RIMBP2: variants seen among roughly 807,000 people sequenced by gnomAD.
RIMBP2 encodes RIMS-binding protein 2.
A neutral mutation model predicts 118.6 loss-of-function variants in RIMBP2; 48 were observed. That is an observed-to-expected ratio of 0.40 (90% confidence interval 0.32 to 0.51). The LOEUF is 0.51. Ranked by LOEUF, RIMBP2 falls within the 20% of genes least tolerant of loss-of-function variation. The pLI is 0.41. For missense variants in RIMBP2, 1,551 were observed against 1,768.3 expected, an observed-to-expected ratio of 0.88 and a Z score of 2.20; for synonymous variants, 762 against 742.9, an observed-to-expected ratio of 1.03 and a Z score of -0.42.
intron 1 of RIMBP2, among the ~76,000 whole-genome samples, chr12:130,642,481 C>T (rs571839102): frequency 4.6e-4 from 70 of 152,218 alleles, no homozygotes; most frequent in African/African-American, 1.4e-3. Context: ...GACGGGGTGT[C>T]GCCATGTTGG....
At position 130,537,405 on chromosome 12, in the gene RIMBP2, C is replaced by T. The variant is rs1363031414; in HGVS notation, c.-216-19488G>A. ...GGAGGAGGTCTGGGAAAGAAGATAG[C>T]TCCATCACCCTACGGTACAAGGCAA... is the stretch of plus-strand genomic sequence containing the variant. On this transcript the variant is annotated intron_variant, in intron 2 of 22. Coordinates refer to ENST00000690449, the MANE Select transcript of RIMBP2 (RefSeq NM_001393629.1). Among the ~76,000 whole-genome samples, 3 of 152,206 alleles carry T rather than the reference C, an allele frequency of 2.0e-5. No homozygotes were observed. In the East Asian group the frequency reaches 5.8e-4, roughly 29 times the overall value.
At chr12:130,659,181 A>G (rs1041413794) in intron 1 of RIMBP2, among the ~76,000 whole-genome samples, 1 of 152,240 alleles carries the variant, frequency 6.6e-6, no homozygotes, top group Non-Finnish European at 1.5e-5. Flanking sequence ...GGTCACCTTA[A>G]AAAAAGTGGA....
chr12:130,557,906 C>T lies in RIMBP2; in HGVS notation c.-216-39989G>A, dbSNP rs548378734. On this transcript the variant is annotated intron_variant, in intron 2 of 22. Coordinates refer to ENST00000690449, the MANE Select transcript of RIMBP2 (RefSeq NM_001393629.1). ...GCCCCTTCCCAGTGAGCAGCTGTGG[C>T]TTCGGCAAGTTACTTACTCCTGGCT... Among the ~76,000 whole-genome samples, 3 of 152,272 alleles carry T rather than the reference C, an allele frequency of 2.0e-5. No individual in the cohort carries two copies. The South Asian group carries it at 6.2e-4, about 32-fold the overall frequency.
At chr12:130,575,276 C>G (rs915811673) in intron 2 of RIMBP2, among the ~76,000 whole-genome samples, 2 of 141,514 alleles carry the variant, frequency 1.4e-5, no homozygotes, top group Non-Finnish European at 3.0e-5. Context: ...TTGCTGGGGT[C>G]CCTGAGGAAC....
chr12:130,401,149 T>C (rs2074512885), intron 21 of RIMBP2, among the ~76,000 whole-genome samples: 2 of 152,078 alleles, frequency 1.3e-5, no homozygotes, highest in African/African-American at 4.8e-5. Flanking sequence ...AGAGTCTCGC[T>C]CTGTCACCCA....
intron 2 of RIMBP2, among the ~76,000 whole-genome samples, chr12:130,600,705 AC>A (rs1333751905): frequency 6.6e-6 from 1 of 152,206 alleles, no homozygotes; most frequent in Admixed American, 6.5e-5. Flanking sequence ...CTACACAAAA[AC>A]ATTCCAAGCT....
intron 1 of RIMBP2, among the ~76,000 whole-genome samples, chr12:130,701,287 C>T (rs1479959513): frequency 1.3e-5 from 2 of 152,154 alleles, no homozygotes; most frequent in South Asian, 2.1e-4. Flanking sequence ...GACAGCTTTG[C>T]CAAGCTGCCT....
rs1367790652 is a variant in RIMBP2 at position 130,617,019 on chromosome 12, G to A, written c.-217+11303C>T. Among the ~76,000 whole-genome samples the A allele has an allele frequency of 6.6e-6, 1 of 152,150 alleles. No individual in the cohort carries two copies. Among genetic ancestry groups the A allele is most frequent in the Admixed American group, 6.5e-5 (1 of 15,280 alleles). On this transcript the variant is annotated intron_variant, in intron 2 of 22. Transcript: ENST00000690449. The surrounding 1 kb of genome is among the most constrained non-coding windows in gnomAD (Gnocchi z 4.6). The stretch of plus-strand genomic sequence containing the variant: ...AGGGGCCCCCCTCCTCCTCTGCAGA[G>A]GCCCCCATGTCCCACTGATGAGAGG...
chr12:130,429,082 G>A (rs1401020255), intron 14 of RIMBP2: 3 of 152,512 alleles, frequency 2.0e-5, no homozygotes, highest in Non-Finnish European at 4.4e-5. Flanking sequence ...GGGCCACAGA[G>A]CGAGACTCCA....
At chr12:130,433,969 C>T (rs73152905) in intron 14 of RIMBP2, among the ~76,000 whole-genome samples, 119 of 152,288 alleles carry the variant, frequency 7.8e-4, no homozygotes, top group South Asian at 6.4e-3. Context: ...ACGTCATGGC[C>T]GGAGGAGTCG....
intron 6 of RIMBP2, among the ~76,000 whole-genome samples, chr12:130,457,078 T>A (rs2137524768): frequency 6.6e-6 from 1 of 152,326 alleles, no homozygotes; most frequent in African/African-American, 2.4e-5. Context: ...CCCGGGCACT[T>A]TGCAGTTGGC....
At chr12:130,666,517 A>G (rs1013830153) in intron 1 of RIMBP2, among the ~76,000 whole-genome samples, 1 of 152,162 alleles carries the variant, frequency 6.6e-6, no homozygotes, top group Non-Finnish European at 1.5e-5. Context: ...ATCACACTCA[A>G]TGCACCCCAG....
intron 1 of RIMBP2, among the ~76,000 whole-genome samples, chr12:130,636,461 A>C (rs532793413): frequency 6.6e-6 from 1 of 152,068 alleles, no homozygotes; most frequent in African/African-American, 2.4e-5. Flanking sequence ...CACCTTGAAC[A>C]CTCATTGGAC....
intron 2 of RIMBP2, among the ~76,000 whole-genome samples, chr12:130,555,948 G>A (rs901840325): frequency 6.6e-6 from 1 of 152,164 alleles, no homozygotes; most frequent in Non-Finnish European, 1.5e-5. Flanking sequence ...CGCCAGGCAC[G>A]GAGAGGAGGC....
intron 11 of RIMBP2, among the ~76,000 whole-genome samples, chr12:130,439,886 T>A (rs1178249345): frequency 1.4e-5 from 2 of 144,760 alleles, no homozygotes; most frequent in Non-Finnish European, 3.1e-5. Flanking sequence ...TATGTGGGTA[T>A]GTGTATGTGT....
At chr12:130,649,790 G>C (rs549580206) in intron 1 of RIMBP2, among the ~76,000 whole-genome samples, 1 of 152,026 alleles carries the variant, frequency 6.6e-6, no homozygotes, top group South Asian at 2.1e-4. Flanking sequence ...ACCCGAACAG[G>C]GAGGGGTGCC....
At chr12:130,517,585 G>A (rs1262138106) in intron 3 of RIMBP2, among the ~76,000 whole-genome samples, 1 of 152,036 alleles carries the variant, frequency 6.6e-6, no homozygotes, top group African/African-American at 2.4e-5. Flanking sequence ...CTGCCTTGCT[G>A]TTAAAGATAC....
At chr12:130,455,887 C>A in intron 7 of RIMBP2, among the ~76,000 whole-genome samples, 1 of 152,168 alleles carries the variant, frequency 6.6e-6, no homozygotes, top group Non-Finnish European at 1.5e-5. Flanking sequence ...TAAAGGACAT[C>A]TGTGATCGCT....
intron 4 of RIMBP2, among the ~76,000 whole-genome samples, chr12:130,480,870 G>A (rs977579930): frequency 6.6e-6 from 1 of 152,174 alleles, no homozygotes; most frequent in Admixed American, 6.5e-5. Context: ...CAAAGTGCTG[G>A]GATTACAGGC....
Sources: allele counts gnomAD v4.1 joint callset (sites outside exome capture counted in the v4.1 genomes callset), GRCh38; gene constraint gnomAD v4.1.1; non-coding constraint Gnocchi (gnomAD v3.1); transcripts MANE v1.5; gene names NCBI Gene and HGNC (gene_info 2026-07-23, HGNC 2026-07-21).